Variants in CENATAC observed in about 807,000 individuals in gnomAD.
CENATAC encodes centrosomal AT-AC splicing factor, also known as coiled-coil domain containing 84.
Under a neutral mutation model 53.7 loss-of-function variants are expected in CENATAC, and 53 were observed. The observed-to-expected ratio is 0.99, with a 90% CI of 0.79 to 1.24. The LOEUF is 1.24. Among genes scored for constraint, CENATAC ranks in the 50% most tolerant of loss-of-function variants. The probability of loss-of-function intolerance (pLI) is 0.00; values close to 1 mark genes in which losing one functional copy is unlikely to be tolerated. For synonymous variants in CENATAC, 156 were observed against 144.6 expected (o/e 1.08, Z -0.57); for missense variants, 474 against 417.8 (o/e 1.13, Z -1.17).
chr11:119,011,334 G>C (rs782124167), intron 5 of CENATAC, 51 bp downstream of exon 5: 2 of 1,543,532 alleles, frequency 1.3e-6, no homozygotes, highest in South Asian at 2.3e-5. Context: ...ACTGATCCCT[G>C]GCATTCCCAG....
In CENATAC at chr11:119,015,691, G is replaced by A. The variant is rs76904653; in HGVS notation, c.*93G>A. 5,522 of 1,392,790 alleles carry A rather than the reference G, an allele frequency of 4.0e-3. 171 individuals are homozygous for A. In the African/African-American group the frequency reaches 0.069, roughly 18 times the overall value. The allele number at this position is 1,392,790 out of a possible 1,614,324, so 86.3% of individuals were successfully genotyped here. ...AAATTCTTTATCATTGTCTTTCTTA[G>A]GAAACAGACATACTCATTCATTTGA... On this transcript the variant is annotated 3_prime_UTR_variant, in exon 11 of 11. Coordinates refer to ENST00000334418, the MANE Select transcript of CENATAC (RefSeq NM_198489.3).
chr11:119,014,899 C>T (rs1943075947), intron 8 of CENATAC, 95 bp from the exon 9 acceptor site: 3 of 799,856 alleles, frequency 3.8e-6, no homozygotes, highest in Admixed American at 2.8e-5. Context: ...ACATTTCTAG[C>T]TCTTAATGAG....
rs150299096 is a variant in CENATAC, at chr11:119,005,067, C to G, written c.384-5697C>G. The stretch of plus-strand genomic sequence containing the variant: ...AGAGCAAAATACCCTGTCTCAAAAA[C>G]AGCAAGAAAAAAAAAGCCAATACCT... On this transcript the variant is annotated intron_variant, in intron 3 of 10. Coordinates refer to ENST00000334418, the MANE Select transcript of CENATAC (RefSeq NM_198489.3). 3.0e-3 allele frequency among the ~76,000 whole-genome samples: 411 copies of G among 134,926 alleles called. 2 individuals carry two copies. Among genetic ancestry groups the G allele is most frequent in the African/African-American group, 0.011 (362 of 32,688 alleles). The allele number at this position is 134,926 out of a possible 152,430, so 88.5% of individuals were successfully genotyped here.
Position 119,000,762 on chromosome 11 carries a change from G to GA in CENATAC, c.383+1663dup, listed in dbSNP as rs1201960280. Among the ~76,000 whole-genome samples the GA allele has an allele frequency of 1.8e-3, 276 of 149,404 alleles. 2 individuals are homozygous for GA. The highest frequency in any genetic ancestry group is 6.2e-3 in the African/African-American group (254 of 40,782). Reference sequence around the variant, plus strand: ...AAAGATCGAAACTCTGTCTCAAAAGGAAAAAAAAAATTCTTTTTTTTAAAT... The same window carrying GA: ...AAAGATCGAAACTCTGTCTCAAAAGGAAAAAAAAAAATTCTTTTTTTTAAAT... On this transcript the variant is annotated intron_variant, in intron 3 of 10. Coordinates refer to ENST00000334418, the MANE Select transcript of CENATAC (RefSeq NM_198489.3).
At position 119,011,262 on chromosome 11, in the gene CENATAC, G is replaced by C. The variant is rs1461926206; in HGVS notation, c.492G>C (p.Glu164Asp). The C allele has an allele frequency of 6.2e-7, 1 of 1,614,180 alleles. No homozygotes were observed. The highest frequency in any genetic ancestry group is 1.3e-5 in the African/African-American group (1 of 75,074). Residue 164 changes from glutamate to aspartate, a missense_variant, in exon 5 of 11, where the codon GAG becomes GAC. Glu to Asp is a conservative substitution (Grantham distance 45). Transcript: ENST00000334418. Reference protein sequence around the residue: ...QIREVEQSRQEVVRSVLEPQA... With the variant: ...QIREVEQSRQDVVRSVLEPQA... ...GTGAGGTGGAGCAGAGCCGACAGGA[G>C]GTGGTTCGGTCTGTCTTAGAGGTTG...
chr11:118,998,252 G>C lies in CENATAC; in HGVS notation c.55G>C (p.Gly19Arg), dbSNP rs1179338618. 6.3e-7 allele frequency: 1 copy of C among 1,589,274 alleles called. No individual in the cohort carries two copies. The change falls in exon 1 of 11, where the codon GGG becomes CGG. Residue 19 changes from glycine (G) to arginine (R), a missense_variant. By Grantham distance (125) the Gly-to-Arg change is moderately radical. Coordinates refer to ENST00000334418, the MANE Select transcript of CENATAC (RefSeq NM_198489.3). ...CCGCCAGACCTTCTTCTGTGGTCGC[G>C]GGCACGTTTACAGCCGCAAGCACCA... ...LCRQTFFCGRGHVYSRKHQRQ... is the reference protein window; with the variant it reads ...LCRQTFFCGRRHVYSRKHQRQ...
intron 3 of CENATAC, chr11:119,010,482 G>C (rs1447825928): frequency 4.5e-6 from 2 of 445,246 alleles, no homozygotes; most frequent in African/African-American, 2.0e-5. Flanking sequence ...TATCATGGTT[G>C]TATAGAATGT....
intron 3 of CENATAC, among the ~76,000 whole-genome samples, chr11:119,009,246 C>T (rs1021476920): frequency 6.6e-6 from 1 of 152,120 alleles, no homozygotes; most frequent in African/African-American, 2.4e-5. Flanking sequence ...CTCGTCTCAG[C>T]CTCCCAAGTA....
Position 119,015,054 on chromosome 11 carries a change from G to A in CENATAC, c.776G>A (p.Gly259Glu), listed in dbSNP as rs1184656764. 6 of 1,611,926 alleles carry A rather than the reference G, an allele frequency of 3.7e-6. No homozygotes were observed. Among genetic ancestry groups the A allele is most frequent in the Non-Finnish European group, 5.1e-6 (6 of 1,179,108 alleles). The change falls in exon 9 of 11, where the codon GGA (glycine) becomes GAA (glutamate). Residue 259 changes from glycine (G) to glutamate (E), a missense_variant. Transcript: ENST00000334418. ...EEYIAGNQEIGPSYEEFLKEK... is the reference protein window; with the variant it reads ...EEYIAGNQEIEPSYEEFLKEK... ...TACATTGCTGGGAACCAAGAAATAG[G>A]ACCATCCTATGAAGAATTTCTTAAA...
chr11:119,012,504 C>G, intron 7 of CENATAC: 1 of 398,656 alleles, frequency 2.5e-6, no homozygotes, highest in East Asian at 4.4e-5. Context: ...TCCAACTCAA[C>G]ACAGGACATT....
intron 7 of CENATAC, 112 bp downstream of exon 7, chr11:119,012,366 C>T: frequency 1.7e-6 from 2 of 1,160,682 alleles, no homozygotes; most frequent in Non-Finnish European, 2.4e-6. Context: ...GCAGGCTTTT[C>T]CTTCTTCCTT....
At chr11:118,999,338 C>T (rs1942174211) in intron 3 of CENATAC, 2 of 456,548 alleles carry the variant, frequency 4.4e-6, no homozygotes, top group African/African-American at 3.9e-5. Flanking sequence ...TAAAAGTTGA[C>T]TGTTATCAAC....
rs1178800001 is a variant in CENATAC, at chr11:119,015,380, T to A, written c.879T>A (p.Ser293Arg). 1.2e-6 allele frequency: 2 copies of A among 1,614,116 alleles called. No individual in the cohort carries two copies. Among genetic ancestry groups the A allele is most frequent in the African/African-American group, 1.3e-5 (1 of 74,942 alleles). The change falls in exon 10 of 11, where the codon AGT (serine) becomes AGA (arginine). Residue 293 changes from serine to arginine, a missense_variant. Coordinates refer to ENST00000334418, the MANE Select transcript of CENATAC (RefSeq NM_198489.3). ...ACTTTGATCACAGCTCCAGGACCAGTGCAGGCTGGCTGCCCTCTTTTGGCC... is the reference window on the plus strand; with the variant it reads ...ACTTTGATCACAGCTCCAGGACCAGAGCAGGCTGGCTGCCCTCTTTTGGCC... ...GANFDHSSRT[S>R]AGWLPSFGRV...
chr11:119,015,353 C>G lies in CENATAC; in HGVS notation c.852C>G (p.Ala284=). 1.2e-6 allele frequency: 2 copies of G among 1,614,118 alleles called. No individual in the cohort carries two copies. The highest frequency in any genetic ancestry group is 1.7e-6 in the Non-Finnish European group (2 of 1,179,982). The change falls in exon 10 of 11, where the codon GCC becomes GCG. Residue 284 remains alanine, a synonymous_variant. Coordinates refer to ENST00000334418, the MANE Select transcript of CENATAC (RefSeq NM_198489.3). ...AACTCCCCCCAGACCGAGTTGGGGCCAACTTTGATCACAGCTCCAGGACCA... is the reference window on the plus strand; with the variant it reads ...AACTCCCCCCAGACCGAGTTGGGGCGAACTTTGATCACAGCTCCAGGACCA... ...LKKLPPDRVG[A]NFDHSSRTSA...
chr11:119,002,180 T>C (rs1180668385), intron 3 of CENATAC, among the ~76,000 whole-genome samples: 1 of 132,690 alleles, frequency 7.5e-6, no homozygotes, highest in African/African-American at 2.9e-5. Flanking sequence ...GCCAAGATCA[T>C]GCCATTGCAC....
intron 7 of CENATAC, chr11:119,012,654 G>C (rs150993008): frequency 0.013 from 2,214 of 175,484 alleles, 45 homozygotes; most frequent in East Asian, 0.054. Flanking sequence ...TTCAGCCTTT[G>C]GGCAATTTCT....
Position 119,015,593 on chromosome 11 carries a change from A to T in CENATAC, c.994A>T (p.Ser332Cys). 2 of 1,614,210 alleles carry T rather than the reference A, an allele frequency of 1.2e-6. No individual in the cohort carries two copies. Among genetic ancestry groups the T allele is most frequent in the Non-Finnish European group, 1.7e-6 (2 of 1,180,044 alleles). ...GAAGAAGCAGTCACATACAGAAAAAAGCTAATCATGCTCTCTACCAACTAC... is the reference window on the plus strand; with the variant it reads ...GAAGAAGCAGTCACATACAGAAAAATGCTAATCATGCTCTCTACCAACTAC... ...AMKKQSHTEK[S>C] The change falls in exon 11 of 11, where the codon AGC becomes TGC. Residue 332 changes from serine (S) to cysteine (C), a missense_variant. Transcript: ENST00000334418.
At chr11:119,011,882 G>A in intron 5 of CENATAC, 57 bp from the exon 6 acceptor site, 1 of 1,509,446 alleles carries the variant, frequency 6.6e-7, no homozygotes. Flanking sequence ...TGGAGGCATG[G>A]CCTAGGCAGG....
Position 119,012,238 on chromosome 11 carries a change from C to T in CENATAC, c.668C>T (p.Thr223Ile). 6.2e-7 allele frequency: 1 copy of T among 1,614,152 alleles called. No individual in the cohort carries two copies. The highest frequency in any genetic ancestry group is 2.2e-5 in the East Asian group (1 of 44,886). ...LDWMETGPSL[T>I]FIGHQDIPGV... Reference sequence around the variant, plus strand: ...TGGATGGAGACAGGACCATCTCTGACATTCATTGGCCATCAGGTACAAAGG... The same window carrying T: ...TGGATGGAGACAGGACCATCTCTGATATTCATTGGCCATCAGGTACAAAGG... Residue 223 changes from threonine (T) to isoleucine (I), a missense_variant, in exon 7 of 11, where the codon ACA (threonine) becomes ATA (isoleucine). Coordinates refer to ENST00000334418, the MANE Select transcript of CENATAC (RefSeq NM_198489.3).
Sources: gnomAD v4.1 joint callset for allele counts (sites outside exome capture counted in the v4.1 genomes callset) on GRCh38, gnomAD v4.1.1 for gene constraint, MANE v1.5 for transcripts, NCBI Gene and HGNC (gene_info 2026-07-23, HGNC 2026-07-21) for gene names.